The following UBR2 variants were observed in gnomAD, a reference collection of about 807,000 sequenced individuals.
The protein encoded by UBR2 is E3 ubiquitin-protein ligase UBR2.
In UBR2, 92 loss-of-function variants were observed where a neutral mutation model predicts 247.9. The observed-to-expected ratio is 0.37, with a 90% confidence interval of 0.31 to 0.44. The LOEUF (loss-of-function observed/expected upper bound fraction) is 0.44, where lower values mean the gene tolerates loss of function less well. UBR2 is among the 20% of genes least tolerant of loss of function. UBR2 has a pLI of 1.00. For missense variants in UBR2, 1,613 were observed against 2,112.6 expected (o/e 0.76, Z 4.64); for synonymous variants, 672 against 693.5 (o/e 0.97, Z 0.49).
At chr6:42,609,386 T>G (rs1049994609) in intron 7 of UBR2, among the ~76,000 whole-genome samples, 3 of 151,980 alleles carry the variant, frequency 2.0e-5, no homozygotes, top group Non-Finnish European at 4.4e-5. Flanking sequence ...AGAAAAAAAA[T>G]CAATGAAAGC....
intron 1 of UBR2, among the ~76,000 whole-genome samples, chr6:42,565,685 C>G (rs754328667): frequency 6.6e-6 from 1 of 152,024 alleles, no homozygotes; most frequent in African/African-American, 2.4e-5. Context: ...CTCAGCCCCT[C>G]GAGTAGCTGG....
chr6:42,629,223 G>A (rs1404536320), intron 11 of UBR2, among the ~76,000 whole-genome samples: 3 of 152,004 alleles, frequency 2.0e-5, no homozygotes, highest in Non-Finnish European at 2.9e-5. Flanking sequence ...CGCCATGTTG[G>A]CCAGACAGGT....
intron 18 of UBR2, among the ~76,000 whole-genome samples, chr6:42,643,041 T>C (rs916543183): frequency 1.3e-5 from 2 of 152,162 alleles, no homozygotes; most frequent in Non-Finnish European, 2.9e-5. Flanking sequence ...ACTTTAGCAT[T>C]ACTTCCTCCA....
intron 21 of UBR2, among the ~76,000 whole-genome samples, chr6:42,647,391 C>T (rs1164482397): frequency 7.0e-6 from 1 of 143,328 alleles, no homozygotes; most frequent in Admixed American, 7.5e-5. Context: ...ACCAGCCTGG[C>T]CAACACAGTT....
intron 36 of UBR2, among the ~76,000 whole-genome samples, chr6:42,670,946 G>C (rs113988173): frequency 0.011 from 1,624 of 152,328 alleles, 20 homozygotes; most frequent in African/African-American, 0.038. Context: ...AGCACTTTGG[G>C]AGGCCGAGGC....
intron 4 of UBR2, among the ~76,000 whole-genome samples, chr6:42,597,341 A>G (rs931697002): frequency 4.6e-5 from 7 of 152,234 alleles, no homozygotes; most frequent in South Asian, 2.1e-4. Flanking sequence ...TCATGCTGTA[A>G]TCCCAGCCCT....
At position 42,619,432 on chromosome 6, in the gene UBR2, TATATATATATATATA is replaced by T. The variant is rs1360932119; in HGVS notation, c.1281+1926_1281+1940del. 1.8e-3 allele frequency: 35 copies of T among 19,734 alleles called. 2 individuals carry two copies. Among genetic ancestry groups the T allele is most frequent in the Middle Eastern group, 0.015 (1 of 68 alleles). The allele number at this position is 19,734 out of a possible 1,614,324, so 1.2% of individuals were successfully genotyped here. On this transcript the variant is annotated intron_variant, in intron 11 of 46. Coordinates refer to ENST00000372901, the MANE Select transcript of UBR2 (RefSeq NM_001363705.2). ...ATGAACATATATATATATATATATA[TATATATATATATATA>T]TATATATTTTTTTTTTTTAGTTCTC...
chr6:42,592,379 GC>G, intron 3 of UBR2, 150 bp downstream of exon 3: 2 of 518,368 alleles, frequency 3.9e-6, no homozygotes, highest in Non-Finnish European at 6.4e-6. Flanking sequence ...GATATAGGGT[GC>G]CAGTGTAGAA....
intron 40 of UBR2, 85 bp from the exon 41 acceptor site, chr6:42,678,454 A>G: frequency 1.4e-6 from 2 of 1,440,372 alleles, no homozygotes; most frequent in Non-Finnish European, 1.9e-6. Flanking sequence ...ATCAGTTCCA[A>G]ATGACAGTCA....
chr6:42,614,253 C>T (rs1300669937), intron 8 of UBR2, among the ~76,000 whole-genome samples: 1 of 135,774 alleles, frequency 7.4e-6, no homozygotes, highest in Admixed American at 7.7e-5. Context: ...CACGCGCGCA[C>T]ATATATATAC....
intron 15 of UBR2, 150 bp from the exon 16 acceptor site, chr6:42,640,059 A>G (rs544274670): frequency 4.8e-6 from 3 of 627,860 alleles, no homozygotes; most frequent in South Asian, 3.9e-5. Flanking sequence ...GCCTCTTATG[A>G]ATATAGATCA....
At chr6:42,663,130 A>G (rs1797915396) in intron 31 of UBR2, 128 bp from the exon 32 acceptor site, 2 of 760,436 alleles carry the variant, frequency 2.6e-6, no homozygotes, top group Admixed American at 4.2e-5. Flanking sequence ...CATGTTAAAA[A>G]TAATTTAGTT....
At chr6:42,653,897 C>T (rs993397759) in intron 25 of UBR2, among the ~76,000 whole-genome samples, 7 of 151,996 alleles carry the variant, frequency 4.6e-5, no homozygotes, top group Non-Finnish European at 7.4e-5. Flanking sequence ...GATTACAAGG[C>T]GTGAGCCACC....
chr6:42,595,599 G>A (rs1027462438), intron 4 of UBR2, among the ~76,000 whole-genome samples: 4 of 151,952 alleles, frequency 2.6e-5, no homozygotes, highest in African/African-American at 9.7e-5. Flanking sequence ...ACAAAAATTA[G>A]TTGGGTGTTG....
intron 22 of UBR2, among the ~76,000 whole-genome samples, chr6:42,648,843 CAT>C (rs1279499735): frequency 6.6e-6 from 1 of 152,142 alleles, no homozygotes. Flanking sequence ...ACTTGGAACA[CAT>C]ATTTATAACA....
At chr6:42,569,431 G>A (rs570308810) in intron 1 of UBR2, among the ~76,000 whole-genome samples, 1 of 151,922 alleles carries the variant, frequency 6.6e-6, no homozygotes, top group Non-Finnish European at 1.5e-5. Flanking sequence ...CTTTTTATGA[G>A]CTTATTGGCC....
At chr6:42,633,033 G>C (rs1795855832) in intron 13 of UBR2, 129 bp downstream of exon 13, 3 of 572,192 alleles carry the variant, frequency 5.2e-6, no homozygotes, top group African/African-American at 4.2e-5. Flanking sequence ...AGGGTGGAGT[G>C]TAGTGGCTAG....
At chr6:42,602,457 C>T (rs1162461850) in intron 4 of UBR2, among the ~76,000 whole-genome samples, 1 of 151,974 alleles carries the variant, frequency 6.6e-6, no homozygotes, top group East Asian at 1.9e-4. Context: ...CTGCATCAGC[C>T]TCACAAAGTG....
rs139255896 is a variant in UBR2, at chr6:42,653,487, T to C, written c.2769+842T>C. Among the ~76,000 whole-genome samples, 880 of 152,266 alleles carry C rather than the reference T, an allele frequency of 5.8e-3. 6 individuals carry two copies. Among genetic ancestry groups the C allele is most frequent in the Non-Finnish European group, 9.3e-3 (633 of 68,014 alleles). On this transcript the variant is annotated intron_variant, in intron 25 of 46. Coordinates refer to ENST00000372901, the MANE Select transcript of UBR2 (RefSeq NM_001363705.2). Reference sequence around the variant, plus strand: ...ATAGATACAACTTTTTTCTCATTGTTAGATGAGGAAGCCAAGTTTCAATGA... The same window carrying C: ...ATAGATACAACTTTTTTCTCATTGTCAGATGAGGAAGCCAAGTTTCAATGA...
Sources: gnomAD v4.1 joint callset for allele counts (sites outside exome capture counted in the v4.1 genomes callset) on GRCh38, gnomAD v4.1.1 for gene constraint, MANE v1.5 for transcripts, NCBI Gene and HGNC (gene_info 2026-07-23, HGNC 2026-07-21) for gene names.